Variants in HADH observed in about 807,000 individuals in gnomAD.
The protein encoded by HADH is hydroxyacyl-CoA dehydrogenase.
A neutral mutation model predicts 32.2 loss-of-function variants in HADH; 24 were observed. That is an observed-to-expected ratio of 0.75 (90% CI 0.54 to 1.05). The LOEUF (loss-of-function observed/expected upper bound fraction) is 1.05, where lower values mean the gene tolerates loss of function less well. HADH is among the 50% of genes least tolerant of loss of function. HADH has a pLI of 0.00. For missense variants in HADH, 350 were observed against 397.1 expected, an observed-to-expected ratio of 0.88 and a Z score of 1.01; for synonymous variants, 139 against 152.5, an observed-to-expected ratio of 0.91 and a Z score of 0.65.
At chr4:108,004,758 G>T (rs769262200) in intron 1 of HADH, 39 of 1,535,480 alleles carry the variant, frequency 2.5e-5, no homozygotes, top group Admixed American at 2.0e-5. Context: ...AAGGTCAAAA[G>T]AAGCAGCTGA....
chr4:107,994,918 A>G (rs967218741), intron 1 of HADH, among the ~76,000 whole-genome samples: 1 of 152,160 alleles, frequency 6.6e-6, no homozygotes, highest in Non-Finnish European at 1.5e-5. Context: ...AAATAATGCT[A>G]TGGGATATGT....
intron 7 of HADH, 66 bp from the exon 8 acceptor site, chr4:108,034,173 G>T: frequency 9.0e-7 from 1 of 1,112,032 alleles, no homozygotes; most frequent in Non-Finnish European, 1.4e-6. Context: ...ACTTGTCCTT[G>T]GAAATGCCAA....
chr4:108,032,505 C>T, intron 6 of HADH: 1 of 574,640 alleles, frequency 1.7e-6, no homozygotes. Flanking sequence ...GCTTAGTTTT[C>T]TTTTTAAGAA....
intron 6 of HADH, chr4:108,028,907 C>A (rs763127520): frequency 1.5e-5 from 6 of 398,548 alleles, no homozygotes; most frequent in Admixed American, 4.4e-5. Flanking sequence ...TGGTCCCTTT[C>A]TGCATAGGTG....
intron 1 of HADH, among the ~76,000 whole-genome samples, chr4:107,994,203 T>C (rs1734892309): frequency 6.6e-6 from 1 of 152,030 alleles, no homozygotes; most frequent in African/African-American, 2.4e-5. Context: ...TTAAAGGGGG[T>C]TGGGGATAGG....
intron 6 of HADH, chr4:108,032,198 G>A: frequency 1.8e-6 from 1 of 569,590 alleles, no homozygotes; most frequent in Non-Finnish European, 3.3e-6. Flanking sequence ...ACCTGTTGCA[G>A]ACTATTCTAC....
At chr4:108,015,433 T>G (rs1444051033) in intron 3 of HADH, among the ~76,000 whole-genome samples, 2 of 152,236 alleles carry the variant, frequency 1.3e-5, no homozygotes. Context: ...TGTCTTTTTT[T>G]GAAAAATATC....
In HADH at chr4:107,990,044, A is replaced by T. The variant is rs1734727324; in HGVS notation, c.112A>T (p.Met38Leu). The change falls in exon 1 of 8, where the codon ATG becomes TTG. Residue 38 changes from methionine to leucine, a missense_variant. By Grantham distance (15) the Met-to-Leu change is conservative. Transcript: ENST00000309522. Reference sequence around the variant, plus strand: ...CGTGACGGTCATCGGCGGCGGGCTGATGGGCGCCGGCATTGCCCAGGTGAG... The same window carrying T: ...CGTGACGGTCATCGGCGGCGGGCTGTTGGGCGCCGGCATTGCCCAGGTGAG... ...KHVTVIGGGL[M>L]GAGIAQVAAA... 8 of 1,610,494 alleles carry T rather than the reference A, an allele frequency of 5.0e-6. No homozygotes were observed. In the African/African-American group the frequency reaches 8.0e-5, roughly 16 times the overall value.
intron 1 of HADH, among the ~76,000 whole-genome samples, chr4:108,007,028 A>G (rs1735313699): frequency 6.6e-6 from 1 of 152,214 alleles, no homozygotes; most frequent in Non-Finnish European, 1.5e-5. Context: ...GGCACATAGT[A>G]GATGCTCAGT....
At chr4:108,032,410 A>G (rs769852686) in intron 6 of HADH, 4 of 1,430,498 alleles carry the variant, frequency 2.8e-6, no homozygotes, top group Non-Finnish European at 3.9e-6. Context: ...GTGAAATGTG[A>G]TGCCAGGGGA....
intron 1 of HADH, among the ~76,000 whole-genome samples, chr4:107,995,338 T>G (rs1734924718): frequency 6.6e-6 from 1 of 152,186 alleles, no homozygotes; most frequent in African/African-American, 2.4e-5. Context: ...CTGTGAAAGT[T>G]AAATGAACTA....
chr4:108,004,671 G>C, intron 1 of HADH: 1 of 1,521,398 alleles, frequency 6.6e-7, no homozygotes. Flanking sequence ...TAGGAAAGAG[G>C]TTGGCCTCAG....
At chr4:108,023,435 C>A in intron 4 of HADH, 39 bp from the exon 5 acceptor site, 1 of 1,239,956 alleles carries the variant, frequency 8.1e-7, no homozygotes, top group Non-Finnish European at 1.2e-6. Context: ...AAGTTGCTTG[C>A]TGACACTCTG....
chr4:108,018,161 A>G (rs1187337816), intron 3 of HADH, among the ~76,000 whole-genome samples: 2 of 152,182 alleles, frequency 1.3e-5, no homozygotes, highest in African/African-American at 4.8e-5. Context: ...AATCTTTAAA[A>G]TAACACTTTC....
chr4:108,014,791 T>C (rs1735637348), intron 3 of HADH, among the ~76,000 whole-genome samples: 1 of 152,124 alleles, frequency 6.6e-6, no homozygotes, highest in South Asian at 2.1e-4. Flanking sequence ...TTTTCAACCC[T>C]CGCCACCCTC....
intron 6 of HADH, chr4:108,032,910 A>T: frequency 2.3e-6 from 1 of 438,386 alleles, no homozygotes; most frequent in Middle Eastern, 6.7e-4. Flanking sequence ...TGAACCCAGG[A>T]GGCGGAGGTT....
chr4:107,992,123 A>G (rs1202713164), intron 1 of HADH, among the ~76,000 whole-genome samples: 1 of 152,206 alleles, frequency 6.6e-6, no homozygotes, highest in African/African-American at 2.4e-5. Flanking sequence ...ATTGACATTA[A>G]TGGAGAACAC....
chr4:108,009,974 TTTC>T (rs1374679425), intron 2 of HADH, 87 bp downstream of exon 2: 75 of 836,698 alleles, frequency 9.0e-5, no homozygotes, highest in South Asian at 8.9e-4. Context: ...GCTTTCTTTC[TTTC>T]TTTTTTTTTT....
At chr4:108,014,129 A>G (rs768147647) in intron 2 of HADH, among the ~76,000 whole-genome samples, 9 of 152,208 alleles carry the variant, frequency 5.9e-5, no homozygotes, top group Admixed American at 1.3e-4. Context: ...GGCATATGAC[A>G]GACAATAATT....
Sources: allele counts gnomAD v4.1 joint callset (sites outside exome capture counted in the v4.1 genomes callset), GRCh38; gene constraint gnomAD v4.1.1; transcripts MANE v1.5; gene names NCBI Gene and HGNC (gene_info 2026-07-23, HGNC 2026-07-21).